The following OTOF variants were observed in gnomAD, a reference collection of about 807,000 sequenced individuals.
OTOF encodes the protein otoferlin, also known as fer-1-like family member 2.
Under a neutral mutation model 236.8 loss-of-function variants are expected in OTOF, and 218 were observed. The observed-to-expected ratio is 0.92, with a 90% CI of 0.82 to 1.03. OTOF has a LOEUF of 1.03. Among genes scored for constraint, OTOF ranks in the 50% least tolerant of loss-of-function variants. The probability of loss-of-function intolerance (pLI) is 0.00; values close to 1 mark genes in which losing one functional copy is unlikely to be tolerated. For synonymous variants in OTOF, 1,041 were observed against 1,072.5 expected (o/e 0.97, Z 0.57); for missense variants, 2,590 against 2,694.4 (o/e 0.96, Z 0.86).
At position 26,477,911 on chromosome 2, in the gene OTOF, C is replaced by T; in HGVS notation, c.2215-162G>A. On this transcript the variant is annotated intron_variant, in intron 18 of 46. Coordinates refer to ENST00000272371, the MANE Select transcript of OTOF (RefSeq NM_194248.3). This position sits in a 1 kb window ranked among gnomAD's most constrained non-coding sequence, Gnocchi z 4.7. Reference sequence around the variant, plus strand: ...GTCATCATGAGGAAGTCATCAATTTCCCAGGTTCTGTTCTCAGAACCTGGA... The same window carrying T: ...GTCATCATGAGGAAGTCATCAATTTTCCAGGTTCTGTTCTCAGAACCTGGA... 9 of 1,529,082 alleles carry T rather than the reference C, an allele frequency of 5.9e-6. No individual in the cohort carries two copies. The highest frequency in any genetic ancestry group is 7.9e-6 in the Non-Finnish European group (9 of 1,136,056). 94.7% of individuals were successfully genotyped at this position (1,529,082 alleles called of 1,614,324 possible). A position where few individuals can be genotyped will look rare whatever the true frequency, so the allele number is the denominator to read the frequency against.
chr2:26,501,706 CACTAG>C, intron 8 of OTOF, 43 bp downstream of exon 8: 1 of 1,313,410 alleles, frequency 7.6e-7, no homozygotes, highest in African/African-American at 1.4e-5. Flanking sequence ...TAGAATCCCC[CACTAG>C]AGCAGAGTCT....
chr2:26,471,258 G>A, intron 30 of OTOF, 108 bp from the exon 31 acceptor site: 1 of 1,319,058 alleles, frequency 7.6e-7, no homozygotes, highest in Non-Finnish European at 1.1e-6. Flanking sequence ...AAATTACTGT[G>A]TGCTGGCAGC....
chr2:26,467,993 A>C (rs759783767), intron 33 of OTOF, among the ~76,000 whole-genome samples: 1 of 152,246 alleles, frequency 6.6e-6, no homozygotes. Context: ...ACATTTGCAC[A>C]GTAAAGGGTA....
In OTOF at chr2:26,457,998, ATGC is replaced by A. The variant is rs1225897707; in HGVS notation, c.*237_*239del. Reference sequence around the variant, plus strand: ...AAAGAGTCCAAGCCACTGAAAGGAAATGCGGCAGGGCTGGGGAGCGGCTGGCGG... The same window carrying A: ...AAAGAGTCCAAGCCACTGAAAGGAAAGGCAGGGCTGGGGAGCGGCTGGCGG... On this transcript the variant is annotated 3_prime_UTR_variant, in exon 47 of 47. Coordinates refer to ENST00000272371, the MANE Select transcript of OTOF (RefSeq NM_194248.3). The surrounding 1 kb of genome is among the most constrained non-coding windows in gnomAD (Gnocchi z 4.4). 9 of 1,584,112 alleles carry A rather than the reference ATGC, an allele frequency of 5.7e-6. No homozygotes were observed. In the Admixed American group the frequency reaches 1.2e-4, roughly 21 times the overall value.
intron 5 of OTOF, among the ~76,000 whole-genome samples, chr2:26,514,645 G>T (rs1666475401): frequency 6.6e-6 from 1 of 152,220 alleles, no homozygotes. Context: ...AGAGTTGGAG[G>T]GGAGCCAGAT....
chr2:26,507,667 A>G (rs927423302), intron 5 of OTOF, among the ~76,000 whole-genome samples: 7 of 152,212 alleles, frequency 4.6e-5, no homozygotes, highest in Non-Finnish European at 1.0e-4. Flanking sequence ...GTGAAAACTC[A>G]CTTTACAATC....
At chr2:26,459,431 A>G (rs534997049) in intron 46 of OTOF, among the ~76,000 whole-genome samples, 8 of 152,156 alleles carry the variant, frequency 5.3e-5, no homozygotes, top group Admixed American at 2.6e-4. Flanking sequence ...GGGTGCCTGT[A>G]GTCCCAGCTA....
At chr2:26,557,097 C>T (rs1203053779) in intron 1 of OTOF, among the ~76,000 whole-genome samples, 3 of 152,222 alleles carry the variant, frequency 2.0e-5, no homozygotes, top group Non-Finnish European at 4.4e-5. Flanking sequence ...ACCTCCACCC[C>T]TGCCTGTCCC....
chr2:26,526,041 C>A (rs1666793124), intron 3 of OTOF, among the ~76,000 whole-genome samples: 1 of 136,394 alleles, frequency 7.3e-6, no homozygotes, highest in Non-Finnish European at 1.5e-5. Context: ...GAGCCGAGAT[C>A]AGGCCACTGC....
intron 2 of OTOF, among the ~76,000 whole-genome samples, chr2:26,531,925 C>T (rs1165486706): frequency 6.6e-6 from 1 of 151,858 alleles, no homozygotes; most frequent in Non-Finnish European, 1.5e-5. Context: ...GAAACACGGT[C>T]TCTACTAAAA....
At chr2:26,544,364 A>G (rs1447111224) in intron 1 of OTOF, among the ~76,000 whole-genome samples, 1 of 152,204 alleles carries the variant, frequency 6.6e-6, no homozygotes, top group East Asian at 1.9e-4. Flanking sequence ...CTTAGTAACC[A>G]GTGCTCTGAT....
intron 5 of OTOF, among the ~76,000 whole-genome samples, chr2:26,514,493 T>A (rs755304533): frequency 7.2e-5 from 11 of 152,194 alleles, no homozygotes; most frequent in Non-Finnish European, 1.3e-4. Context: ...GCCCACTCTC[T>A]TAGGACTGAG....
chr2:26,504,348 G>C (rs937902497), intron 5 of OTOF, among the ~76,000 whole-genome samples: 2 of 152,166 alleles, frequency 1.3e-5, no homozygotes, highest in African/African-American at 4.8e-5. Flanking sequence ...CCGATGAGGA[G>C]ATGGGAGATG....
At chr2:26,471,093 A>G (rs775162648) in intron 31 of OTOF, 28 bp downstream of exon 31, 1 of 1,613,692 alleles carries the variant, frequency 6.2e-7, no homozygotes. Context: ...CTCTCACCCC[A>G]GAGCCCCTGC....
chr2:26,475,531 GA>G lies in OTOF; in HGVS notation c.2992-39del, dbSNP rs774302161. Reference sequence around the variant, plus strand: ...ATGGGGAGACAGGGGACAAGTGACAGAGGGGGGGGCAGATGCACAAACAGAA... The same window carrying G: ...ATGGGGAGACAGGGGACAAGTGACAGGGGGGGGGCAGATGCACAAACAGAA... On this transcript the variant is annotated intron_variant, in intron 24 of 46. Coordinates refer to ENST00000272371, the MANE Select transcript of OTOF (RefSeq NM_194248.3). 966 of 1,604,654 alleles carry G rather than the reference GA, an allele frequency of 6.0e-4. 7 individuals carry two copies. The highest frequency in any genetic ancestry group is 8.5e-4 in the Admixed American group (51 of 59,816).
At position 26,458,091 on chromosome 2, in the gene OTOF, G is replaced by GAGCCCCAACATGAGC; in HGVS notation, c.*132_*146dup. The GAGCCCCAACATGAGC allele has an allele frequency of 1.2e-6, 2 of 1,614,218 alleles. No homozygotes were observed. Among genetic ancestry groups the GAGCCCCAACATGAGC allele is most frequent in the Non-Finnish European group, 1.7e-6 (2 of 1,180,028 alleles). ...TGTAGCCAGGGAGGCTGTAGAGGAAGAGCCCCAACATGAGCAGCCCCAACA... is the reference window on the plus strand; with the variant it reads ...TGTAGCCAGGGAGGCTGTAGAGGAAGAGCCCCAACATGAGCAGCCCCAACATGAGCAGCCCCAACA... On this transcript the variant is annotated 3_prime_UTR_variant, in exon 47 of 47. Coordinates refer to ENST00000272371, the MANE Select transcript of OTOF (RefSeq NM_194248.3).
At chr2:26,510,446 G>A (rs558659688) in intron 5 of OTOF, among the ~76,000 whole-genome samples, 24 of 152,108 alleles carry the variant, frequency 1.6e-4, no homozygotes, top group Admixed American at 3.9e-4. Context: ...CGGAGAGGAG[G>A]ATGGTCACCC....
At chr2:26,463,372 C>T in intron 41 of OTOF, 111 bp downstream of exon 41, 6 of 894,690 alleles carry the variant, frequency 6.7e-6, no homozygotes, top group African/African-American at 1.6e-5. Context: ...CCAGGGATGC[C>T]AACTGGCCAA....
At chr2:26,515,450 C>T (rs1407333977) in intron 5 of OTOF, among the ~76,000 whole-genome samples, 1 of 152,132 alleles carries the variant, frequency 6.6e-6, no homozygotes, top group African/African-American at 2.4e-5. Flanking sequence ...ACTCATGCAC[C>T]TGTGTGTGAG....
Sources: allele counts gnomAD v4.1 joint callset (sites outside exome capture counted in the v4.1 genomes callset), GRCh38; gene constraint gnomAD v4.1.1; non-coding constraint Gnocchi (gnomAD v3.1); transcripts MANE v1.5; gene names NCBI Gene and HGNC (gene_info 2026-07-23, HGNC 2026-07-21).